Variants in KIAA1328 observed in about 807,000 individuals in gnomAD.
The protein encoded by KIAA1328 is protein hinderin.
A neutral mutation model predicts 68.1 loss-of-function variants in KIAA1328; 52 were observed. The observed-to-expected ratio is 0.76, with a 90% CI of 0.61 to 0.96. KIAA1328 has a LOEUF of 0.96. Ranked by LOEUF, KIAA1328 falls within the 40% of genes least tolerant of loss-of-function variation. The pLI is 0.00. For missense variants in KIAA1328, 641 were observed against 677.6 expected (o/e 0.95, Z 0.60); for synonymous variants, 232 against 239.4 (o/e 0.97, Z 0.28).
intron 7 of KIAA1328, among the ~76,000 whole-genome samples, chr18:37,100,566 C>G (rs1288136578): frequency 1.3e-5 from 2 of 152,236 alleles, no homozygotes; most frequent in East Asian, 3.9e-4. Flanking sequence ...AGAAGACCCT[C>G]TTGCCTCTGT....
intron 3 of KIAA1328, among the ~76,000 whole-genome samples, chr18:36,838,389 G>GT: frequency 6.6e-6 from 1 of 152,278 alleles, no homozygotes; most frequent in East Asian, 1.9e-4. Context: ...CATTTCTGGT[G>GT]TTTTCATTCT....
intron 6 of KIAA1328, among the ~76,000 whole-genome samples, chr18:37,004,641 A>G (rs1268311064): frequency 6.6e-6 from 1 of 152,090 alleles, no homozygotes; most frequent in Non-Finnish European, 1.5e-5. Flanking sequence ...ACACTTCTAT[A>G]CTGTTGGTAG....
chr18:37,190,297 A>T (rs918545604), intron 9 of KIAA1328, among the ~76,000 whole-genome samples: 2 of 152,200 alleles, frequency 1.3e-5, no homozygotes, highest in Non-Finnish European at 2.9e-5. Flanking sequence ...TTCCAATTGG[A>T]TCTATACAGA....
At chr18:37,069,108 A>T (rs908094989) in intron 7 of KIAA1328, among the ~76,000 whole-genome samples, 1 of 152,002 alleles carries the variant, frequency 6.6e-6, no homozygotes, top group African/African-American at 2.4e-5. Flanking sequence ...GATTTGTCTT[A>T]TTTGCCCTGT....
chr18:37,210,851 G>A lies in KIAA1328; in HGVS notation c.1524-11166G>A, dbSNP rs139928520. 6.4e-3 allele frequency among the ~76,000 whole-genome samples: 972 copies of A among 152,086 alleles called. 8 individuals carry two copies. Among genetic ancestry groups the A allele is most frequent in the African/African-American group, 0.023 (938 of 41,484 alleles). ...TTGGGTATTCTGTTGCTTCTTAATT[G>A]CCAAATCCTTTAGTCTTTCCTGATA... is the stretch of plus-strand genomic sequence containing the variant. On this transcript the variant is annotated intron_variant, in intron 9 of 9. Coordinates refer to ENST00000280020, the MANE Select transcript of KIAA1328 (RefSeq NM_020776.3).
intron 7 of KIAA1328, among the ~76,000 whole-genome samples, chr18:37,154,841 A>T (rs555743094): frequency 1.3e-5 from 2 of 152,160 alleles, no homozygotes; most frequent in African/African-American, 4.8e-5. Flanking sequence ...GGGATATCTA[A>T]ATTATTTATT....
intron 5 of KIAA1328, chr18:36,946,247 A>G (rs1249782861): frequency 6.6e-6 from 1 of 152,238 alleles, no homozygotes; most frequent in Non-Finnish European, 1.5e-5. Context: ...AAACAAAAAC[A>G]GTTGACCAAA....
intron 7 of KIAA1328, among the ~76,000 whole-genome samples, chr18:37,080,713 T>G (rs1256561805): frequency 2.7e-5 from 4 of 149,862 alleles, no homozygotes; most frequent in African/African-American, 9.8e-5. Flanking sequence ...AGACGGAGGT[T>G]GCAGTGCAGT....
At chr18:36,973,474 A>C (rs967653965) in intron 6 of KIAA1328, among the ~76,000 whole-genome samples, 2 of 152,118 alleles carry the variant, frequency 1.3e-5, no homozygotes, top group Non-Finnish European at 2.9e-5. Context: ...AAAGTAAAAT[A>C]ATAATAATAA....
rs191639958 is a variant in KIAA1328, at chr18:36,933,549, T to G, written c.449-25759T>G. ...GCACATTTCACCCTTCACAGTGTTT[T>G]GAAAGTAACTGAGTCCCAGCCACAG... On this transcript the variant is annotated intron_variant, in intron 5 of 9. Coordinates refer to ENST00000280020, the MANE Select transcript of KIAA1328 (RefSeq NM_020776.3). Among the ~76,000 whole-genome samples the G allele has an allele frequency of 2.0e-5, 3 of 152,362 alleles. No homozygotes were observed. The East Asian group carries it at 5.8e-4, about 29-fold the overall frequency.
At chr18:37,115,770 G>A (rs1279824030) in intron 7 of KIAA1328, among the ~76,000 whole-genome samples, 4 of 152,154 alleles carry the variant, frequency 2.6e-5, no homozygotes, top group Non-Finnish European at 4.4e-5. Context: ...AAACCCCATC[G>A]TCTCAGCCCA....
chr18:37,222,082 G>T lies in KIAA1328; in HGVS notation c.1589G>T (p.Arg530Leu), dbSNP rs200541716. The T allele has an allele frequency of 6.2e-7, 1 of 1,613,672 alleles. No individual in the cohort carries two copies. Among genetic ancestry groups the T allele is most frequent in the Non-Finnish European group, 8.5e-7 (1 of 1,179,798 alleles). The change falls in exon 10 of 10, where the codon CGC becomes CTC. Residue 530 changes from arginine (R) to leucine (L), a missense_variant. Coordinates refer to ENST00000280020, the MANE Select transcript of KIAA1328 (RefSeq NM_020776.3). ...LSPNSAPKPQ[R>L]YPSREAGAWN... is the part of the protein sequence containing the mutation. ...CCAAACTCTGCGCCCAAACCTCAGC[G>T]CTATCCCTCCAGAGAAGCTGGGGCC...
At chr18:37,084,175 A>T (rs749346388) in intron 7 of KIAA1328, 2 of 1,526,570 alleles carry the variant, frequency 1.3e-6, no homozygotes, top group Non-Finnish European at 1.8e-6. Context: ...GCTGAAAAAC[A>T]GCTTACTAAA....
At chr18:36,992,990 C>G (rs900781677) in intron 6 of KIAA1328, among the ~76,000 whole-genome samples, 1 of 151,958 alleles carries the variant, frequency 6.6e-6, no homozygotes, top group Non-Finnish European at 1.5e-5. Context: ...ACCTGTAGTC[C>G]CAGCTCCTGG....
In KIAA1328 at chr18:36,874,557, G is replaced by C. The variant is rs148345166; in HGVS notation, c.333-11000G>C. Among the ~76,000 whole-genome samples the C allele has an allele frequency of 6.5e-3, 991 of 151,944 alleles. 14 individuals are homozygous for C. Among genetic ancestry groups the C allele is most frequent in the African/African-American group, 0.022 (917 of 41,482 alleles). On this transcript the variant is annotated intron_variant, in intron 4 of 9. Transcript: ENST00000280020. ...GTTTGTTTTTTTCTTGTAAATTTAA[G>C]TTCCTTGTGGATTCTGGATATTAGC...
intron 4 of KIAA1328, among the ~76,000 whole-genome samples, chr18:36,848,217 A>G (rs568506319): frequency 3.3e-5 from 5 of 151,722 alleles, no homozygotes; most frequent in African/African-American, 1.2e-4. Context: ...TCTATTAAGT[A>G]TTTAAATTTT....
At chr18:37,005,539 A>G (rs1234515458) in intron 6 of KIAA1328, among the ~76,000 whole-genome samples, 6 of 152,146 alleles carry the variant, frequency 3.9e-5, no homozygotes, top group African/African-American at 1.4e-4. Flanking sequence ...GGAAAATAGT[A>G]TGGTGATTCC....
chr18:37,004,865 C>A (rs1266164069), intron 6 of KIAA1328, among the ~76,000 whole-genome samples: 1 of 152,036 alleles, frequency 6.6e-6, no homozygotes, highest in African/African-American at 2.4e-5. Context: ...GCCCATCAGT[C>A]AATGAGTGGA....
intron 9 of KIAA1328, among the ~76,000 whole-genome samples, chr18:37,191,367 G>T (rs537638211): frequency 2.5e-4 from 38 of 152,318 alleles, no homozygotes; most frequent in South Asian, 1.2e-3. Flanking sequence ...TAGCACTTTA[G>T]AGTCTTCTTT....
Sources: gnomAD v4.1 joint callset for allele counts (sites outside exome capture counted in the v4.1 genomes callset) on GRCh38, gnomAD v4.1.1 for gene constraint, MANE v1.5 for transcripts, NCBI Gene and HGNC (gene_info 2026-07-23, HGNC 2026-07-21) for gene names.